DNAI1: variants seen among roughly 807,000 people sequenced by gnomAD.
DNAI1 encodes dynein axonemal intermediate chain 1.
In DNAI1, 67 loss-of-function variants were observed where a neutral mutation model predicts 92.0. That is an observed-to-expected ratio of 0.73 (90% CI 0.60 to 0.89). The LOEUF (loss-of-function observed/expected upper bound fraction) is 0.89, where lower values mean the gene tolerates loss of function less well. Among genes scored for constraint, DNAI1 ranks in the 40% least tolerant of loss-of-function variants. The pLI is 0.00. For synonymous variants in DNAI1, 323 were observed against 319.6 expected (o/e 1.01, Z -0.11); for missense variants, 839 against 866.6 (o/e 0.97, Z 0.40).
chr9:34,472,534 A>G (rs1423184800), intron 1 of DNAI1, among the ~76,000 whole-genome samples: 1 of 152,198 alleles, frequency 6.6e-6, no homozygotes, highest in African/African-American at 2.4e-5. Flanking sequence ...CATTCATAGG[A>G]AAGAAAAATT....
chr9:34,504,733 C>T (rs1824892427), intron 12 of DNAI1, among the ~76,000 whole-genome samples: 1 of 152,254 alleles, frequency 6.6e-6, no homozygotes, highest in South Asian at 2.1e-4. Context: ...CCCAGCTCGG[C>T]ACCATGGCCT....
intron 9 of DNAI1, among the ~76,000 whole-genome samples, chr9:34,495,362 G>A (rs1216260311): frequency 6.6e-6 from 1 of 152,206 alleles, no homozygotes; most frequent in Non-Finnish European, 1.5e-5. Context: ...GTGGGTCTGA[G>A]AGCATGGACC....
intron 18 of DNAI1, among the ~76,000 whole-genome samples, chr9:34,516,747 T>TTCTTTTC (rs952324728): frequency 1.4e-5 from 2 of 144,728 alleles, no homozygotes; most frequent in Non-Finnish European, 3.1e-5. Context: ...TTCTTTTCTT[T>TTCTTTTC]TTTTTTTTTT....
intron 1 of DNAI1, among the ~76,000 whole-genome samples, chr9:34,467,679 G>T (rs1422577813): frequency 6.6e-6 from 1 of 152,074 alleles, no homozygotes; most frequent in Admixed American, 6.6e-5. Context: ...TAACCTTAAA[G>T]ACCTTGATTT....
intron 1 of DNAI1, among the ~76,000 whole-genome samples, chr9:34,467,793 C>T (rs998114580): frequency 3.9e-5 from 6 of 152,140 alleles, no homozygotes; most frequent in Middle Eastern, 3.2e-3. Flanking sequence ...TAATGTTTTT[C>T]GGTATTGGAC....
intron 4 of DNAI1, 47 bp downstream of exon 4, chr9:34,485,564 G>T: frequency 6.4e-7 from 1 of 1,567,408 alleles, no homozygotes; most frequent in South Asian, 1.1e-5. Context: ...CATCTCCTTG[G>T]AGTGACAGTG....
chr9:34,490,833 G>A (rs1251448491), intron 7 of DNAI1, among the ~76,000 whole-genome samples: 1 of 152,224 alleles, frequency 6.6e-6, no homozygotes, highest in African/African-American at 2.4e-5. Context: ...CAGTTCAACT[G>A]AAGTTGATGA....
intron 1 of DNAI1, among the ~76,000 whole-genome samples, chr9:34,480,775 C>T (rs561364298): frequency 6.3e-4 from 96 of 151,982 alleles, no homozygotes; most frequent in Non-Finnish European, 9.9e-4. Flanking sequence ...GAAACCCTGT[C>T]TCTACTAAAA....
chr9:34,501,707 C>T (rs1301729855), intron 12 of DNAI1, among the ~76,000 whole-genome samples: 1 of 152,166 alleles, frequency 6.6e-6, no homozygotes, highest in Non-Finnish European at 1.5e-5. Context: ...ACCTTAACCA[C>T]ACTGTGGAGT....
rs757584024 is a variant in DNAI1 at position 34,473,356 on chromosome 9, G to A, written c.49-10092G>A. 4.6e-5 allele frequency among the ~76,000 whole-genome samples: 7 copies of A among 151,448 alleles called. No individual in the cohort carries two copies. In the East Asian group the frequency reaches 7.8e-4, roughly 17 times the overall value. ...CACCCAGGCTGCAGTGCAGTGGCACGATGTCAGCTCACTGCAACCTCCGCC... is the reference window on the plus strand; with the variant it reads ...CACCCAGGCTGCAGTGCAGTGGCACAATGTCAGCTCACTGCAACCTCCGCC... On this transcript the variant is annotated intron_variant, in intron 1 of 19. Coordinates refer to ENST00000242317, the MANE Select transcript of DNAI1 (RefSeq NM_012144.4).
chr9:34,508,845 A>G (rs544554424), intron 13 of DNAI1, among the ~76,000 whole-genome samples: 2 of 152,370 alleles, frequency 1.3e-5, no homozygotes, highest in East Asian at 1.9e-4. Flanking sequence ...CTATCCTGCC[A>G]GGAAAACAGG....
intron 12 of DNAI1, among the ~76,000 whole-genome samples, chr9:34,502,557 A>G (rs546800278): frequency 1.6e-4 from 25 of 152,130 alleles, no homozygotes; most frequent in Non-Finnish European, 2.6e-4. Context: ...CAGGTTCGGA[A>G]GCAGGCTCAG....
chr9:34,472,899 TA>T (rs561518253), intron 1 of DNAI1, among the ~76,000 whole-genome samples: 8,759 of 137,652 alleles, frequency 0.064, 304 homozygotes, highest in Non-Finnish European at 0.083. Flanking sequence ...AGACCCTGAC[TA>T]AAAAAAAAAA....
intron 1 of DNAI1, among the ~76,000 whole-genome samples, chr9:34,476,209 G>A (rs1366238371): frequency 6.6e-6 from 1 of 152,154 alleles, no homozygotes; most frequent in East Asian, 1.9e-4. Flanking sequence ...AGTTAGGGAT[G>A]GTGATGGTAA....
intron 19 of DNAI1, 50 bp from the exon 20 acceptor site, chr9:34,520,608 A>AG: frequency 6.6e-7 from 1 of 1,511,212 alleles, no homozygotes; most frequent in Non-Finnish European, 9.0e-7. Flanking sequence ...TGGGACCCAG[A>AG]GAGGGGGGGC....
intron 15 of DNAI1, 152 bp from the exon 16 acceptor site, chr9:34,512,960 G>C: frequency 2.6e-6 from 2 of 755,110 alleles, no homozygotes; most frequent in Non-Finnish European, 4.8e-6. Context: ...GCCTGGCCTG[G>C]TCCCAGCCCT....
At chr9:34,501,018 C>A in intron 11 of DNAI1, 120 bp from the exon 12 acceptor site, 1 of 1,014,770 alleles carries the variant, frequency 9.9e-7, no homozygotes, top group Non-Finnish European at 1.6e-6. Flanking sequence ...GTGGTGAGGG[C>A]CTAAGCTGGA....
chr9:34,492,512 A>ATCTATATATATC (rs1824627212), intron 8 of DNAI1, among the ~76,000 whole-genome samples: 2 of 110,010 alleles, frequency 1.8e-5, no homozygotes, highest in African/African-American at 6.4e-5. Context: ...ATATATATAT[A>ATCTATATATATC]TATATATATA....
chr9:34,476,966 G>A (rs1444251665), intron 1 of DNAI1, among the ~76,000 whole-genome samples: 1 of 152,172 alleles, frequency 6.6e-6, no homozygotes, highest in African/African-American at 2.4e-5. Flanking sequence ...ATGTTCAGGG[G>A]CTTGGGCTTC....
Sources: gnomAD v4.1 joint callset for allele counts (sites outside exome capture counted in the v4.1 genomes callset) on GRCh38, gnomAD v4.1.1 for gene constraint, MANE v1.5 for transcripts, NCBI Gene and HGNC (gene_info 2026-07-23, HGNC 2026-07-21) for gene names.